WDR86: variants seen among roughly 807,000 people sequenced by gnomAD.
WDR86 encodes the protein WD repeat-containing protein 86.
Under a neutral mutation model 36.5 loss-of-function variants are expected in WDR86, and 30 were observed. The observed-to-expected ratio is 0.82, with a 90% CI of 0.61 to 1.11. The LOEUF is 1.11. Among genes scored for constraint, WDR86 ranks in the 50% most tolerant of loss-of-function variants. The pLI is 0.00. For synonymous variants in WDR86, 255 were observed against 252.9 expected (o/e 1.01, Z -0.08); for missense variants, 545 against 561.2 (o/e 0.97, Z 0.29).
Position 151,381,227 on chromosome 7 carries a change from C to T in WDR86, c.*355G>A. 1.6e-6 allele frequency: 2 copies of T among 1,278,530 alleles called. No homozygotes were observed. Among genetic ancestry groups the T allele is most frequent in the East Asian group, 3.1e-5 (1 of 31,810 alleles). 79.2% of individuals were successfully genotyped at this position (1,278,530 alleles called of 1,614,324 possible). A position where few individuals can be genotyped will look rare whatever the true frequency, so the allele number is the denominator to read the frequency against. On this transcript the variant is annotated 3_prime_UTR_variant, in exon 6 of 6. Transcript: ENST00000334493. This position sits in a 1 kb window ranked among gnomAD's most constrained non-coding sequence, Gnocchi z 4.8. ...TGGCTTCTGTAAAAAGTCACTTCCT[C>T]TCAGCAGGAAAGGCCCAGTTTCGTG... is the stretch of plus-strand genomic sequence containing the variant.
At chr7:151,379,968 C>A (rs1253625423), downstream of WDR86, among the ~76,000 whole-genome samples, 2 of 152,234 alleles carry the variant, frequency 1.3e-5, no homozygotes, top group East Asian at 3.8e-4. Context: ...CGGAACCGTC[C>A]CTTCAGCACG....
chr7:151,397,223 G>A (rs1224991069), intron 2 of WDR86, among the ~76,000 whole-genome samples: 2 of 152,126 alleles, frequency 1.3e-5, no homozygotes, highest in African/African-American at 4.8e-5. Flanking sequence ...GTCCTCCCGC[G>A]AAGGGCTTGC....
chr7:151,376,114 C>G, exon 2 of WDR86: 1 of 582,952 alleles, frequency 1.7e-6, no homozygotes, highest in East Asian at 2.9e-5. Context: ...TAACAGAGGG[C>G]AGGGGAGGCC....
Position 151,381,584 on chromosome 7 carries a change from A to G in WDR86, c.1129T>C (p.Ter377ArgextTer118), listed in dbSNP as rs912254742. The change falls in exon 6 of 6, where the codon TGA becomes CGA. Residue 377 changes from the stop codon to arginine, a stop_lost. Transcript: ENST00000334493. The surrounding 1 kb of genome is among the most constrained non-coding windows in gnomAD (Gnocchi z 4.8). ...GCGTCTGCAGGGGCCCCGCGGGATCAGGCCGGCTGCAGGGGCGCGGCGGCG... is the reference window on the plus strand; with the variant it reads ...GCGTCTGCAGGGGCCCCGCGGGATCGGGCCGGCTGCAGGGGCGCGGCGGCG... ...GCAAAPLQPA[*>R] The G allele has an allele frequency of 2.2e-6, 3 of 1,369,080 alleles. No individual in the cohort carries two copies. In the African/African-American group the frequency reaches 4.6e-5, roughly 21 times the overall value. The allele number at this position is 1,369,080 out of a possible 1,614,324, so 84.8% of individuals were successfully genotyped here.
chr7:151,400,728 CAGAA>C (rs1162421330), intron 1 of WDR86, among the ~76,000 whole-genome samples: 1 of 152,214 alleles, frequency 6.6e-6, no homozygotes, highest in Admixed American at 6.5e-5. Flanking sequence ...GAGTGATTCT[CAGAA>C]AGCACGGGGT....
chr7:151,395,046 T>C lies in WDR86; in HGVS notation c.726+730A>G, dbSNP rs1056389275. Among the ~76,000 whole-genome samples the C allele has an allele frequency of 3.3e-4, 50 of 152,196 alleles. 1 individual carries two copies. Among genetic ancestry groups the C allele is most frequent in the African/African-American group, 1.1e-3 (44 of 41,428 alleles). ...AGGCCCACAGAGGCTGGGTGGCTTG[T>C]CCAGGGGAGGCAACGGAGACGGGGC... On this transcript the variant is annotated intron_variant, in intron 3 of 5. Transcript: ENST00000334493.
intron 1 of WDR86, among the ~76,000 whole-genome samples, chr7:151,404,995 C>T (rs982582501): frequency 7.2e-5 from 11 of 152,216 alleles, no homozygotes; most frequent in Non-Finnish European, 2.9e-5. Context: ...GGAAGCCACA[C>T]GGGGCAGGGA....
chr7:151,385,756 G>A (rs1002055387), intron 3 of WDR86, among the ~76,000 whole-genome samples: 42 of 152,194 alleles, frequency 2.8e-4, no homozygotes, highest in Admixed American at 7.9e-4. Flanking sequence ...AGTGAGAAGA[G>A]GGCCCGGGAG....
At chr7:151,386,870 C>G (rs1245061107) in intron 3 of WDR86, among the ~76,000 whole-genome samples, 5 of 152,228 alleles carry the variant, frequency 3.3e-5, no homozygotes, top group African/African-American at 1.2e-4. Flanking sequence ...CCTCTGGGCA[C>G]GTGCCTTCCT....
chr7:151,400,060 T>C (rs375966523), intron 2 of WDR86, 40 bp downstream of exon 2: 4 of 1,503,242 alleles, frequency 2.7e-6, no homozygotes, highest in Non-Finnish European at 3.6e-6. Flanking sequence ...CAGAAGCCTA[T>C]GTATGGTGAG....
chr7:151,375,029 G>C (rs1475714423), downstream of WDR86, among the ~76,000 whole-genome samples: 3 of 150,936 alleles, frequency 2.0e-5, no homozygotes, highest in Non-Finnish European at 4.4e-5. Context: ...CGGGGCTGGG[G>C]GGACAGAGAT....
chr7:151,375,043 G>A (rs1798149076), downstream of WDR86, among the ~76,000 whole-genome samples: 3 of 118,136 alleles, frequency 2.5e-5, 1 homozygote, highest in Non-Finnish European at 5.3e-5. Context: ...CAGAGATGGG[G>A]TTGGAGGGGG....
At chr7:151,398,185 GTA>G (rs1800007796) in intron 2 of WDR86, among the ~76,000 whole-genome samples, 1 of 152,052 alleles carries the variant, frequency 6.6e-6, no homozygotes, top group South Asian at 2.1e-4. Context: ...TACTTTGTGT[GTA>G]TATGTGTATG....
In WDR86 at chr7:151,405,501, G is replaced by A. The variant is rs34787400; in HGVS notation, c.163+3926C>T. Among the ~76,000 whole-genome samples the A allele has an allele frequency of 0.039, 5,901 of 152,290 alleles. 206 individuals are homozygous for A. Among genetic ancestry groups the A allele is most frequent in the East Asian group, 0.19 (971 of 5,164 alleles). On this transcript the variant is annotated intron_variant, in intron 1 of 5. Coordinates refer to ENST00000334493, the MANE Select transcript of WDR86 (RefSeq NM_198285.3). The surrounding 1 kb of genome is among the most constrained non-coding windows in gnomAD (Gnocchi z 4.7). ...AACTCTCCTGGTAGAACCCAGTTTCGAGGGTGCTGGGACCCTGAGGCAGGT... is the reference window on the plus strand; with the variant it reads ...AACTCTCCTGGTAGAACCCAGTTTCAAGGGTGCTGGGACCCTGAGGCAGGT...
At chr7:151,386,424 T>G (rs959295537) in intron 3 of WDR86, among the ~76,000 whole-genome samples, 1 of 152,222 alleles carries the variant, frequency 6.6e-6, no homozygotes, top group Non-Finnish European at 1.5e-5. Flanking sequence ...AGGCAGAGGC[T>G]GCAGGTGCTT....
intron 4 of WDR86, among the ~76,000 whole-genome samples, chr7:151,383,142 C>T (rs1429447368): frequency 6.9e-6 from 1 of 145,868 alleles, no homozygotes; most frequent in African/African-American, 2.6e-5. Context: ...TGCACCACTA[C>T]ACCCAGCTAA....
chr7:151,381,383 C>G lies in WDR86; in HGVS notation c.*199G>C. On this transcript the variant is annotated 3_prime_UTR_variant, in exon 6 of 6. Coordinates refer to ENST00000334493, the MANE Select transcript of WDR86 (RefSeq NM_198285.3). This position sits in a 1 kb window ranked among gnomAD's most constrained non-coding sequence, Gnocchi z 4.8. ...CCTAAAAGGGAAAAGGGGGCGGTCCCCAGGGCGAGCACTCCCGCTCCCAGC... is the reference window on the plus strand; with the variant it reads ...CCTAAAAGGGAAAAGGGGGCGGTCCGCAGGGCGAGCACTCCCGCTCCCAGC... 2 of 1,456,780 alleles carry G rather than the reference C, an allele frequency of 1.4e-6. No individual in the cohort carries two copies. Among genetic ancestry groups the G allele is most frequent in the South Asian group, 2.7e-5 (2 of 74,554 alleles). 90.2% of individuals were successfully genotyped at this position (1,456,780 alleles called of 1,614,324 possible). A position where few individuals can be genotyped will look rare whatever the true frequency, so the allele number is the denominator to read the frequency against.
chr7:151,401,079 C>T lies in WDR86; in HGVS notation c.164-838G>A, dbSNP rs567216505. Among the ~76,000 whole-genome samples the T allele has an allele frequency of 1.1e-4, 16 of 152,362 alleles. No individual in the cohort carries two copies. The highest frequency in any genetic ancestry group is 2.1e-4 in the Non-Finnish European group (14 of 68,036). On this transcript the variant is annotated intron_variant, in intron 1 of 5. Coordinates refer to ENST00000334493, the MANE Select transcript of WDR86 (RefSeq NM_198285.3). This position sits in a 1 kb window ranked among gnomAD's most constrained non-coding sequence, Gnocchi z 4.3. Reference sequence around the variant, plus strand: ...TGCTTCCCAGCAACCCCCTTGCCCACCTGCTCATGAATAATCAGGTAAGAC... The same window carrying T: ...TGCTTCCCAGCAACCCCCTTGCCCATCTGCTCATGAATAATCAGGTAAGAC...
At chr7:151,403,449 T>G (rs1443229319) in intron 1 of WDR86, among the ~76,000 whole-genome samples, 1 of 152,214 alleles carries the variant, frequency 6.6e-6, no homozygotes, top group Non-Finnish European at 1.5e-5. Context: ...AGACAGGGAT[T>G]TAGAATTTCC....
Sources: gnomAD v4.1 joint callset for allele counts (sites outside exome capture counted in the v4.1 genomes callset) on GRCh38, gnomAD v4.1.1 for gene constraint, Gnocchi (gnomAD v3.1) non-coding constraint, MANE v1.5 for transcripts, NCBI Gene and HGNC (gene_info 2026-07-23, HGNC 2026-07-21) for gene names.